Variants in SVOP observed in about 807,000 individuals in gnomAD.
The protein encoded by SVOP is synaptic vesicle 2-related protein.
SVOP carries 17 observed loss-of-function variants against 69.1 expected under a neutral mutation model. The ratio of observed to expected loss-of-function variants is 0.25; its 90% CI spans 0.17 to 0.37. The LOEUF (loss-of-function observed/expected upper bound fraction) is 0.37, where lower values mean the gene tolerates loss of function less well. Ranked by LOEUF, SVOP falls within the 10% of genes least tolerant of loss-of-function variation. The pLI is 1.00. For synonymous variants in SVOP, 238 were observed against 238.6 expected (o/e 1.00, Z 0.02); for missense variants, 435 against 597.5 (o/e 0.73, Z 2.84).
rs571959289 is a variant in SVOP at position 108,994,148 on chromosome 12, C to A, written c.36-10387G>T. Among the ~76,000 whole-genome samples, 157 of 152,272 alleles carry A rather than the reference C, an allele frequency of 1.0e-3. 4 individuals are homozygous for A. The South Asian group carries it at 0.02, about 19-fold the overall frequency. On this transcript the variant is annotated intron_variant, in intron 1 of 15. Coordinates refer to ENST00000610966, the MANE Select transcript of SVOP (RefSeq NM_018711.5). Reference sequence around the variant, plus strand: ...GCTGCCACCAGCTTTGTTCTGCTGGCAATTCATTACAGGGATGGAAACAAG... The same window carrying A: ...GCTGCCACCAGCTTTGTTCTGCTGGAAATTCATTACAGGGATGGAAACAAG...
intron 6 of SVOP, 36 bp downstream of exon 6, chr12:108,960,887 G>T: frequency 6.5e-7 from 1 of 1,533,248 alleles, no homozygotes; most frequent in Non-Finnish European, 8.7e-7. Flanking sequence ...TGGATGGGCA[G>T]CCTGGCTGCA....
At chr12:109,013,444 G>A (rs1431835517) in intron 1 of SVOP, among the ~76,000 whole-genome samples, 1 of 150,334 alleles carries the variant, frequency 6.7e-6, no homozygotes, top group South Asian at 2.1e-4. Flanking sequence ...AGGCTGGAGT[G>A]CAGTAGCACG....
chr12:108,981,555 G>A (rs1314730931), intron 2 of SVOP, among the ~76,000 whole-genome samples: 1 of 152,096 alleles, frequency 6.6e-6, no homozygotes, highest in East Asian at 1.9e-4. Flanking sequence ...TCGTGGGTAA[G>A]AATGTGGGCT....
At chr12:108,918,241 G>A (rs377277897) in intron 13 of SVOP, 117 bp from the exon 14 acceptor site, 15 of 648,090 alleles carry the variant, frequency 2.3e-5, no homozygotes, top group Admixed American at 1.6e-4. Context: ...ACCCCTCCCC[G>A]ATGCTCATTG....
intron 1 of SVOP, among the ~76,000 whole-genome samples, chr12:108,992,333 G>C (rs1245483432): frequency 1.3e-5 from 2 of 151,798 alleles, no homozygotes. Flanking sequence ...TTCAGTCTAG[G>C]GGTTCAAGAC....
At chr12:109,004,766 C>T (rs549317646) in intron 1 of SVOP, among the ~76,000 whole-genome samples, 186 of 151,468 alleles carry the variant, frequency 1.2e-3, no homozygotes, top group African/African-American at 4.1e-3. Context: ...TAGATGGAGT[C>T]TCACTCTGCC....
At chr12:108,928,095 A>G (rs4964774) in intron 11 of SVOP, among the ~76,000 whole-genome samples, 86,671 of 149,634 alleles carry the variant, frequency 0.58, 26,630 homozygotes, top group East Asian at 0.79. Context: ...AGTAGAGATG[A>G]GTTTCACCAT....
chr12:109,001,730 T>A (rs1416517236), intron 1 of SVOP, among the ~76,000 whole-genome samples: 1 of 148,524 alleles, frequency 6.7e-6, no homozygotes, highest in East Asian at 2.0e-4. Context: ...ATTTAATAAA[T>A]GGTGCTGGGA....
chr12:108,968,744 T>G (rs369655300), intron 5 of SVOP, among the ~76,000 whole-genome samples: 2 of 149,660 alleles, frequency 1.3e-5, no homozygotes, highest in Admixed American at 6.7e-5. Flanking sequence ...TGTTTGTCTT[T>G]TGTGTGTGTG....
At chr12:108,972,524 G>A in intron 4 of SVOP, 48 bp from the exon 5 acceptor site, 6 of 1,518,082 alleles carry the variant, frequency 4.0e-6, no homozygotes, top group Non-Finnish European at 5.3e-6. Context: ...GTGGATCATT[G>A]CACAGAAAGG....
At position 109,017,216 on chromosome 12, in the gene SVOP, G is replaced by A. The variant is rs114823046; in HGVS notation, c.35+3618C>T. Among the ~76,000 whole-genome samples the A allele has an allele frequency of 9.2e-3, 1,396 of 152,124 alleles. 18 individuals are homozygous for A. Among genetic ancestry groups the A allele is most frequent in the African/African-American group, 0.028 (1,158 of 41,492 alleles). Reference sequence around the variant, plus strand: ...GCTCCACCTCCTGTCAATCAGCAGCGGCATTAGATTCTCATAGGAGCGTGA... The same window carrying A: ...GCTCCACCTCCTGTCAATCAGCAGCAGCATTAGATTCTCATAGGAGCGTGA... On this transcript the variant is annotated intron_variant, in intron 1 of 15. Transcript: ENST00000610966.
At chr12:108,960,495 G>T (rs966032065) in intron 6 of SVOP, among the ~76,000 whole-genome samples, 1 of 152,054 alleles carries the variant, frequency 6.6e-6, no homozygotes, top group Non-Finnish European at 1.5e-5. Context: ...AGCGTGGGAA[G>T]CAGCATTCAT....
chr12:108,920,109 T>G (rs2039739333), intron 12 of SVOP, among the ~76,000 whole-genome samples: 1 of 152,150 alleles, frequency 6.6e-6, no homozygotes, highest in African/African-American at 2.4e-5. Context: ...GCAAAAACCT[T>G]CAAGGAATGG....
chr12:108,923,754 C>T (rs1275726337), intron 11 of SVOP, among the ~76,000 whole-genome samples: 1 of 152,132 alleles, frequency 6.6e-6, no homozygotes, highest in African/African-American at 2.4e-5. Context: ...CTGTCCCTCA[C>T]CATCTACCCC....
chr12:108,957,250 G>T (rs775835948), intron 6 of SVOP, among the ~76,000 whole-genome samples: 1 of 152,150 alleles, frequency 6.6e-6, no homozygotes, highest in Non-Finnish European at 1.5e-5. Context: ...TGCAAACTCC[G>T]CCTCCTGGGT....
intron 6 of SVOP, among the ~76,000 whole-genome samples, chr12:108,954,668 G>T (rs544560476): frequency 6.6e-6 from 1 of 152,050 alleles, no homozygotes; most frequent in Non-Finnish European, 1.5e-5. Context: ...ATAGGCTTCC[G>T]GAGGCTTCTC....
rs1396640930 is a variant in SVOP, at chr12:109,020,202, A to G, written c.35+632T>C. Among the ~76,000 whole-genome samples the G allele has an allele frequency of 5.3e-5, 8 of 152,152 alleles. No homozygotes were observed. In the East Asian group the frequency reaches 1.5e-3, roughly 29 times the overall value. The stretch of plus-strand genomic sequence containing the variant: ...TAAAAATCGCCATCCTCAAAGCAGT[A>G]TATTCCTGATGTTCCGACAGTGAGT... On this transcript the variant is annotated intron_variant, in intron 1 of 15. Coordinates refer to ENST00000610966, the MANE Select transcript of SVOP (RefSeq NM_018711.5).
chr12:108,916,991 C>G (rs1193122423), intron 14 of SVOP, among the ~76,000 whole-genome samples: 1 of 152,252 alleles, frequency 6.6e-6, no homozygotes, highest in Non-Finnish European at 1.5e-5. Flanking sequence ...AAGCGATCCA[C>G]CTGCCTCGGC....
In SVOP at chr12:109,002,622, G is replaced by A. The variant is rs866901112; in HGVS notation, c.35+18212C>T. Among the ~76,000 whole-genome samples the A allele has an allele frequency of 1.8e-4, 27 of 151,704 alleles. 1 individual carries two copies. Among genetic ancestry groups the A allele is most frequent in the Middle Eastern group, 6.8e-3 (2 of 294 alleles). On this transcript the variant is annotated intron_variant, in intron 1 of 15. Coordinates refer to ENST00000610966, the MANE Select transcript of SVOP (RefSeq NM_018711.5). ...GCACATGTACACCATGGAACACTAT[G>A]CAGCCATAAAAAATGATGAGTTCAT...
Sources: allele counts gnomAD v4.1 joint callset (sites outside exome capture counted in the v4.1 genomes callset), GRCh38; gene constraint gnomAD v4.1.1; transcripts MANE v1.5; gene names NCBI Gene and HGNC (gene_info 2026-07-23, HGNC 2026-07-21).